Variants in ACSL3 observed in about 807,000 individuals in gnomAD.
The protein encoded by ACSL3 is fatty acid CoA ligase Acsl3.
Under a neutral mutation model 84.7 loss-of-function variants are expected in ACSL3, and 34 were observed. The observed-to-expected ratio is 0.40, with a 90% CI of 0.31 to 0.53. The LOEUF (loss-of-function observed/expected upper bound fraction) is 0.53, where lower values mean the gene tolerates loss of function less well. ACSL3 is among the 20% of genes least tolerant of loss of function. The probability of loss-of-function intolerance (pLI) is 0.48; values close to 1 mark genes in which losing one functional copy is unlikely to be tolerated. For missense variants in ACSL3, 680 were observed against 873.1 expected (o/e 0.78, Z 2.79); for synonymous variants, 315 against 299.4 (o/e 1.05, Z -0.54).
At position 222,920,773 on chromosome 2, in the gene ACSL3, A is replaced by C. The variant is rs1211351598; in HGVS notation, c.806-507A>C. Among the ~76,000 whole-genome samples the C allele has an allele frequency of 3.9e-5, 6 of 152,134 alleles. No individual in the cohort carries two copies. In the East Asian group the frequency reaches 1.2e-3, roughly 29 times the overall value. On this transcript the variant is annotated intron_variant, in intron 7 of 16. Transcript: ENST00000357430. ...TTTGAGGTCCTATGTGTGGTCCCTG[A>C]TAGCCACTTGACTATTGTTTCTTGC...
At chr2:222,910,668 A>G (rs1454010690) in intron 4 of ACSL3, among the ~76,000 whole-genome samples, 6 of 152,210 alleles carry the variant, frequency 3.9e-5, no homozygotes, top group Non-Finnish European at 8.8e-5. Flanking sequence ...AAAACATTTT[A>G]ACTTGACAAC....
intron 4 of ACSL3, 96 bp downstream of exon 4, chr2:222,909,246 C>T (rs946891701): frequency 1.0e-4 from 129 of 1,277,320 alleles, no homozygotes; most frequent in Non-Finnish European, 1.3e-4. Context: ...CATTAGAATT[C>T]GCTGTTGAAG....
chr2:222,934,751 A>G (rs1436821190), intron 16 of ACSL3, 64 bp downstream of exon 16: 14 of 1,540,460 alleles, frequency 9.1e-6, no homozygotes, highest in Non-Finnish European at 1.2e-5. Flanking sequence ...CATGCATTCA[A>G]CCTGTTTTAA....
Position 222,916,451 on chromosome 2 carries a change from G to T in ACSL3, c.511G>T (p.Glu171Ter). 1.2e-6 allele frequency: 2 copies of T among 1,613,786 alleles called. No homozygotes were observed. The highest frequency in any genetic ancestry group is 1.7e-6 in the Non-Finnish European group (2 of 1,179,836). The change falls in exon 5 of 17, where the codon GAG becomes TAG. Residue 171 changes from glutamate to a stop codon, truncating the protein, a stop_gained. Transcript: ENST00000357430. LOFTEE classifies it high-confidence loss of function. The part of the protein sequence containing the change: ...NIAIFCETRA[E>*]WMIAAQACFM... ...CGCCATCTTCTGTGAGACCAGGGCC[G>T]AGTGGATGATAGCTGCACAGGCGTG... is the stretch of plus-strand genomic sequence containing the variant.
chr2:222,900,142 AC>A (rs1696100057), intron 2 of ACSL3, among the ~76,000 whole-genome samples: 1 of 152,196 alleles, frequency 6.6e-6, no homozygotes, highest in African/African-American at 2.4e-5. Context: ...CAAATTTGTT[AC>A]TTTACTTAAT....
At chr2:222,914,681 G>A (rs751730844) in intron 4 of ACSL3, among the ~76,000 whole-genome samples, 2 of 152,148 alleles carry the variant, frequency 1.3e-5, no homozygotes, top group Admixed American at 1.3e-4. Flanking sequence ...ATTTAATAAG[G>A]TTGGCTGTTC....
chr2:222,876,685 T>C (rs907447571), intron 1 of ACSL3, among the ~76,000 whole-genome samples: 1 of 152,112 alleles, frequency 6.6e-6, no homozygotes, highest in Non-Finnish European at 1.5e-5. Context: ...AAAATAGTAT[T>C]TATAAAAGTA....
chr2:222,880,327 A>T (rs891055520), intron 1 of ACSL3, among the ~76,000 whole-genome samples: 1 of 152,214 alleles, frequency 6.6e-6, no homozygotes, highest in East Asian at 1.9e-4. Flanking sequence ...TGGCAGAATT[A>T]CATTTATCCT....
In ACSL3 at chr2:222,924,380, T is replaced by C. The variant is rs1696820550; in HGVS notation, c.1153-76T>C. 59 of 1,285,492 alleles carry C rather than the reference T, an allele frequency of 4.6e-5. 1 individual carries two copies. The South Asian group carries it at 1.0e-3, about 22-fold the overall frequency. 79.6% of individuals were successfully genotyped at this position (1,285,492 alleles called of 1,614,324 possible). A position where few individuals can be genotyped will look rare whatever the true frequency, so the allele number is the denominator to read the frequency against. On this transcript the variant is annotated intron_variant, in intron 10 of 16. Coordinates refer to ENST00000357430, the MANE Select transcript of ACSL3 (RefSeq NM_004457.5). Reference sequence around the variant, plus strand: ...TAAAATGCCTTAATATTGCTAGAAATGTTAATCTAATGCTAAGTGAATATG... The same window carrying C: ...TAAAATGCCTTAATATTGCTAGAAACGTTAATCTAATGCTAAGTGAATATG...
At chr2:222,874,793 GAGAA>G (rs557621305) in intron 1 of ACSL3, among the ~76,000 whole-genome samples, 108 of 152,166 alleles carry the variant, frequency 7.1e-4, no homozygotes, top group African/African-American at 1.8e-3. Context: ...GAAGGATTTG[GAGAA>G]AGAATAGAAA....
chr2:222,920,294 A>G (rs1411367090), intron 7 of ACSL3, among the ~76,000 whole-genome samples: 3 of 152,142 alleles, frequency 2.0e-5, no homozygotes, highest in Non-Finnish European at 2.9e-5. Context: ...CATTTAAATA[A>G]TTTTTTCACA....
intron 2 of ACSL3, among the ~76,000 whole-genome samples, chr2:222,893,439 T>C (rs1319390208): frequency 6.6e-6 from 1 of 152,174 alleles, no homozygotes; most frequent in African/African-American, 2.4e-5. Context: ...ACTCCTGTTT[T>C]CTTTGTTCAG....
Position 222,930,618 on chromosome 2 carries a change from T to C in ACSL3, c.1541-3T>C, listed in dbSNP as rs1199899322. 1 of 1,585,474 alleles carries C rather than the reference T, an allele frequency of 6.3e-7. No individual in the cohort carries two copies. The highest frequency in any genetic ancestry group is 1.4e-5 in the African/African-American group (1 of 73,238). On this transcript the variant is annotated splice_polypyrimidine_tract_variant and splice_region_variant and intron_variant, in intron 13 of 16. Coordinates refer to ENST00000357430, the MANE Select transcript of ACSL3 (RefSeq NM_004457.5). ...ACTATTAACTCAATTATTATTTTAT[T>C]AGGTGGATACTTTAATACTGATAAG... is the stretch of plus-strand genomic sequence containing the variant.
Position 222,884,575 on chromosome 2 carries a change from A to G in ACSL3, c.-206-3255A>G, listed in dbSNP as rs1352667830. Among the ~76,000 whole-genome samples, 3 of 152,168 alleles carry G rather than the reference A, an allele frequency of 2.0e-5. No homozygotes were observed. The East Asian group carries it at 5.8e-4, about 29-fold the overall frequency. ...CAATCTTTCAGGCCAGCATCTTCAA[A>G]TCTCTCTGCTCCATCTTCACGTCAC... On this transcript the variant is annotated intron_variant, in intron 1 of 16. Coordinates refer to ENST00000357430, the MANE Select transcript of ACSL3 (RefSeq NM_004457.5).
At chr2:222,904,215 G>A (rs1214086960) in intron 3 of ACSL3, among the ~76,000 whole-genome samples, 1 of 151,918 alleles carries the variant, frequency 6.6e-6, no homozygotes, top group East Asian at 1.9e-4. Context: ...AGGTTGCAGT[G>A]AGCCGAGATC....
At chr2:222,891,641 C>A (rs942697356) in intron 2 of ACSL3, among the ~76,000 whole-genome samples, 1 of 151,994 alleles carries the variant, frequency 6.6e-6, no homozygotes, top group Admixed American at 6.5e-5. Flanking sequence ...CTGTTATTTC[C>A]GCTATCATAC....
intron 16 of ACSL3, among the ~76,000 whole-genome samples, chr2:222,937,034 T>G (rs1190650336): frequency 6.6e-6 from 1 of 152,008 alleles, no homozygotes; most frequent in Non-Finnish European, 1.5e-5. Context: ...TGAGATGAGA[T>G]TTGGGTGGGG....
intron 1 of ACSL3, among the ~76,000 whole-genome samples, chr2:222,866,183 T>TC (rs1435978723): frequency 1.3e-5 from 2 of 152,134 alleles, no homozygotes; most frequent in Non-Finnish European, 2.9e-5. Context: ...TCTCGCTCTG[T>TC]CCCCCTGGCT....
chr2:222,931,412 T>TA (rs375709943), intron 14 of ACSL3, among the ~76,000 whole-genome samples: 48,537 of 140,312 alleles, frequency 0.35, 8,234 homozygotes, highest in Admixed American at 0.43. Flanking sequence ...AGACTCTGTC[T>TA]AAAAAAAAAA....
Sources: allele counts gnomAD v4.1 joint callset (sites outside exome capture counted in the v4.1 genomes callset), GRCh38; gene constraint gnomAD v4.1.1; transcripts MANE v1.5; gene names NCBI Gene and HGNC (gene_info 2026-07-23, HGNC 2026-07-21).